Variants in C12orf50 observed in about 807,000 individuals in gnomAD.
C12orf50 encodes zinc finger CCCH-type containing 11D.
A neutral mutation model predicts 61.6 loss-of-function variants in C12orf50; 35 were observed. The observed-to-expected ratio is 0.57, with a 90% CI of 0.43 to 0.75. The LOEUF (loss-of-function observed/expected upper bound fraction) is 0.75, where lower values mean the gene tolerates loss of function less well. C12orf50 is among the 30% of genes least tolerant of loss of function. C12orf50 has a pLI of 0.00. For synonymous variants in C12orf50, 178 were observed against 161.5 expected (o/e 1.10, Z -0.77); for missense variants, 475 against 488.5 (o/e 0.97, Z 0.26).
chr12:87,980,323 C>T lies in C12orf50; in HGVS notation c.*8G>A. ...TTTTCTCATTTTTCTCTCTCTCAAC[C>T]TCCAGGTTTACTTGCTCCCATTTCT... On this transcript the variant is annotated 3_prime_UTR_variant, in exon 13 of 13. Transcript: ENST00000298699. The T allele has an allele frequency of 6.2e-7, 1 of 1,608,604 alleles. No individual in the cohort carries two copies. The highest frequency in any genetic ancestry group is 8.5e-7 in the Non-Finnish European group (1 of 1,176,618).
At chr12:87,999,169 C>G (rs917578891) in intron 3 of C12orf50, among the ~76,000 whole-genome samples, 3 of 152,080 alleles carry the variant, frequency 2.0e-5, no homozygotes, top group African/African-American at 7.2e-5. Context: ...GCCCTCTCAG[C>G]CAGATAATGA....
Position 87,989,388 on chromosome 12 carries a change from C to A in C12orf50, c.593-17G>T, listed in dbSNP as rs1353597909. 1 of 1,561,822 alleles carries A rather than the reference C, an allele frequency of 6.4e-7. No individual in the cohort carries two copies. Among genetic ancestry groups the A allele is most frequent in the South Asian group, 1.1e-5 (1 of 88,634 alleles). ...AGTCACCTCCTATGACAAAACCTTACTGTCAGTGGCAACAATGGCAGAAAG... is the reference window on the plus strand; with the variant it reads ...AGTCACCTCCTATGACAAAACCTTAATGTCAGTGGCAACAATGGCAGAAAG... On this transcript the variant is annotated splice_polypyrimidine_tract_variant and intron_variant, in intron 7 of 12. Transcript: ENST00000298699.
At chr12:88,006,078 C>G (rs142776335) in intron 3 of C12orf50, among the ~76,000 whole-genome samples, 2 of 151,726 alleles carry the variant, frequency 1.3e-5, no homozygotes, top group Non-Finnish European at 2.9e-5. Context: ...CACCACGCCC[C>G]GCTAATTTTT....
chr12:88,005,907 T>C (rs1384648320), intron 3 of C12orf50, among the ~76,000 whole-genome samples: 1 of 146,586 alleles, frequency 6.8e-6, no homozygotes, highest in Non-Finnish European at 1.5e-5. Flanking sequence ...TTTTTTGTTT[T>C]TTTGGTTTTT....
chr12:87,980,077 T>G lies in C12orf50; in HGVS notation c.*254A>C, dbSNP rs1364797974. On this transcript the variant is annotated 3_prime_UTR_variant, in exon 13 of 13. Coordinates refer to ENST00000298699, the MANE Select transcript of C12orf50 (RefSeq NM_152589.3). Reference sequence around the variant, plus strand: ...TTAAATTTTATTAAAATGTTTGGAGTAATGCACGGAATGAATTCCAGACCT... The same window carrying G: ...TTAAATTTTATTAAAATGTTTGGAGGAATGCACGGAATGAATTCCAGACCT... The G allele has an allele frequency of 1.1e-5, 5 of 473,278 alleles. No homozygotes were observed. The highest frequency in any genetic ancestry group is 1.9e-5 in the Non-Finnish European group (5 of 270,050). The allele number at this position is 473,278 out of a possible 1,614,324, so 29.3% of individuals were successfully genotyped here.
intron 12 of C12orf50, among the ~76,000 whole-genome samples, chr12:87,981,747 C>T (rs1291129038): frequency 2.0e-5 from 3 of 152,034 alleles, no homozygotes; most frequent in Non-Finnish European, 4.4e-5. Context: ...ACTTGAGGCT[C>T]ACAGGAATGT....
At chr12:88,013,853 TG>T (rs2032205616) in intron 3 of C12orf50, among the ~76,000 whole-genome samples, 1 of 152,172 alleles carries the variant, frequency 6.6e-6, no homozygotes, top group African/African-American at 2.4e-5. Context: ...GTTTGGTTTT[TG>T]GTGGTTGTTG....
intron 3 of C12orf50, among the ~76,000 whole-genome samples, chr12:88,021,074 T>A (rs1178299981): frequency 1.3e-5 from 2 of 151,780 alleles, no homozygotes; most frequent in Non-Finnish European, 2.9e-5. Flanking sequence ...AATGACCACA[T>A]CAGAAAGAAA....
At chr12:87,998,957 C>T (rs2031537937) in intron 3 of C12orf50, among the ~76,000 whole-genome samples, 1 of 152,030 alleles carries the variant, frequency 6.6e-6, no homozygotes, top group Non-Finnish European at 1.5e-5. Flanking sequence ...AACAAAAATT[C>T]ATGCAAAGTG....
Position 87,996,370 on chromosome 12 carries a change from T to C in C12orf50, c.481+4A>G. 6.3e-7 allele frequency: 1 copy of C among 1,584,764 alleles called. No homozygotes were observed. Among genetic ancestry groups the C allele is most frequent in the Non-Finnish European group, 8.7e-7 (1 of 1,154,022 alleles). ...ACTATGAATGCTGCCTTTTCATTTC[T>C]TACCTTCTTGCAATTCACTGCCATT... On this transcript the variant is annotated splice_donor_region_variant and intron_variant, in intron 6 of 12. Transcript: ENST00000298699.
intron 3 of C12orf50, among the ~76,000 whole-genome samples, chr12:88,005,527 C>T (rs542825484): frequency 1.3e-5 from 2 of 152,338 alleles, no homozygotes; most frequent in African/African-American, 4.8e-5. Flanking sequence ...TAAATTGCTC[C>T]ACAGTTTAAC....
At position 88,026,474 on chromosome 12, in the gene C12orf50, A is replaced by G; in HGVS notation, c.133+14T>C. On this transcript the variant is annotated intron_variant, in intron 3 of 12. Transcript: ENST00000298699. ...GAATATGGTAAGTCTATGTTATTCA[A>G]AAAATGTACTCACTGCTACTTGGTG... The G allele has an allele frequency of 6.2e-7, 1 of 1,612,450 alleles. No homozygotes were observed. Among genetic ancestry groups the G allele is most frequent in the East Asian group, 2.2e-5 (1 of 44,858 alleles).
intron 3 of C12orf50, among the ~76,000 whole-genome samples, chr12:88,020,523 A>G (rs1343163716): frequency 1.3e-5 from 2 of 152,186 alleles, no homozygotes; most frequent in Non-Finnish European, 2.9e-5. Context: ...ACACAGGAGC[A>G]CCCAGATCCA....
At chr12:88,025,625 G>C (rs911453815) in intron 3 of C12orf50, among the ~76,000 whole-genome samples, 3 of 152,140 alleles carry the variant, frequency 2.0e-5, no homozygotes, top group Admixed American at 2.0e-4. Context: ...TGTAGTCCCA[G>C]CTACTCAGGA....
intron 3 of C12orf50, among the ~76,000 whole-genome samples, chr12:88,011,870 C>T (rs894414228): frequency 6.6e-6 from 1 of 152,096 alleles, no homozygotes; most frequent in Non-Finnish European, 1.5e-5. Flanking sequence ...TCCCTTAAAT[C>T]AAATTGAGTT....
At chr12:87,981,560 A>C (rs1335518900) in intron 12 of C12orf50, among the ~76,000 whole-genome samples, 2 of 152,204 alleles carry the variant, frequency 1.3e-5, no homozygotes, top group Non-Finnish European at 2.9e-5. Flanking sequence ...TGGTCAGTGG[A>C]TGCTGGCTCA....
In C12orf50 at chr12:87,989,620, T is replaced by C. The variant is rs560799420; in HGVS notation, c.593-249A>G. Among the ~76,000 whole-genome samples, 13 of 152,108 alleles carry C rather than the reference T, an allele frequency of 8.5e-5. No homozygotes were observed. In the East Asian group the frequency reaches 2.3e-3, roughly 27 times the overall value. ...GCAAGAAAATTCAGAGTCAACAAAA[T>C]TTTCCTTAATGTATAATAATCTTTA... On this transcript the variant is annotated intron_variant, in intron 7 of 12. Transcript: ENST00000298699.
rs567686785 is a variant in C12orf50 at position 87,994,756 on chromosome 12, A to T, written c.482-13T>A. 9 of 1,541,644 alleles carry T rather than the reference A, an allele frequency of 5.8e-6. No individual in the cohort carries two copies. The East Asian group carries it at 1.8e-4, about 31-fold the overall frequency. On this transcript the variant is annotated splice_polypyrimidine_tract_variant and intron_variant, in intron 6 of 12. Coordinates refer to ENST00000298699, the MANE Select transcript of C12orf50 (RefSeq NM_152589.3). Reference sequence around the variant, plus strand: ...GTAAGACTATCTCCTAGAAATAAGAAGAAAAAAAAGTCACCCCAGAAATTA... The same window carrying T: ...GTAAGACTATCTCCTAGAAATAAGATGAAAAAAAAGTCACCCCAGAAATTA...
intron 3 of C12orf50, among the ~76,000 whole-genome samples, chr12:88,006,173 C>T (rs192837342): frequency 6.1e-4 from 93 of 152,158 alleles, no homozygotes; most frequent in East Asian, 4.1e-3. Context: ...ACATCGGCCT[C>T]CCAAAGTGCT....
Sources: allele counts gnomAD v4.1 joint callset (sites outside exome capture counted in the v4.1 genomes callset), GRCh38; gene constraint gnomAD v4.1.1; transcripts MANE v1.5; gene names NCBI Gene and HGNC (gene_info 2026-07-23, HGNC 2026-07-21).